ARFGEF3: variants seen among roughly 807,000 people sequenced by gnomAD.
ARFGEF3 encodes the protein ARFGEF family member 3.
Under a neutral mutation model 221.7 loss-of-function variants are expected in ARFGEF3, and 96 were observed. That is an observed-to-expected ratio of 0.43 (90% CI 0.37 to 0.51). The LOEUF (loss-of-function observed/expected upper bound fraction) is 0.51. Ranked by LOEUF, ARFGEF3 falls within the 20% of genes least tolerant of loss-of-function variation. The pLI is 0.00. For missense variants in ARFGEF3, 2,410 were observed against 2,789.9 expected (o/e 0.86, Z 3.07); for synonymous variants, 1,145 against 1,126.8 (o/e 1.02, Z -0.32).
At chr6:138,166,478 T>A (rs1776724815) in intron 1 of ARFGEF3, among the ~76,000 whole-genome samples, 1 of 152,226 alleles carries the variant, frequency 6.6e-6, no homozygotes, top group Non-Finnish European at 1.5e-5. Flanking sequence ...TCTCTGAAAA[T>A]CAGTGTTAAT....
intron 2 of ARFGEF3, among the ~76,000 whole-genome samples, chr6:138,191,994 T>A (rs1486308021): frequency 6.6e-6 from 1 of 152,172 alleles, no homozygotes; most frequent in East Asian, 1.9e-4. Context: ...TTGTTGAGCG[T>A]GTACAATGTG....
intron 11 of ARFGEF3, among the ~76,000 whole-genome samples, chr6:138,262,380 C>T (rs1381984715): frequency 1.3e-5 from 2 of 152,034 alleles, no homozygotes; most frequent in Admixed American, 6.6e-5. Context: ...TTAGTAGAGA[C>T]GTGGTTTCAC....
At chr6:138,176,803 T>C (rs1776957523) in intron 2 of ARFGEF3, among the ~76,000 whole-genome samples, 1 of 152,192 alleles carries the variant, frequency 6.6e-6, no homozygotes, top group Admixed American at 6.5e-5. Context: ...AGTCTAGGGA[T>C]GATAAATTCT....
chr6:138,239,317 T>C (rs1778349782), intron 6 of ARFGEF3, among the ~76,000 whole-genome samples: 1 of 152,138 alleles, frequency 6.6e-6, no homozygotes, highest in Non-Finnish European at 1.5e-5. Context: ...CTGCAAGGAG[T>C]GTTCTGAAAT....
rs539079111 is a variant in ARFGEF3 at position 138,192,650 on chromosome 6, G to A, written c.138-14392G>A. Among the ~76,000 whole-genome samples the A allele has an allele frequency of 1.2e-4, 18 of 152,332 alleles. No individual in the cohort carries two copies. In the South Asian group the frequency reaches 3.1e-3, roughly 26 times the overall value. The stretch of plus-strand genomic sequence containing the variant: ...GGTTGGGATTGGTCTGCAGGCTGAG[G>A]TGTCCATGTTGCTGAGACCCCTTGC... On this transcript the variant is annotated intron_variant, in intron 2 of 33. Coordinates refer to ENST00000251691, the MANE Select transcript of ARFGEF3 (RefSeq NM_020340.5).
At chr6:138,321,996 T>G (rs73568907) in intron 29 of ARFGEF3, among the ~76,000 whole-genome samples, 7,037 of 152,234 alleles carry the variant, frequency 0.046, 460 homozygotes, top group African/African-American at 0.15. Flanking sequence ...GAGAGCTTGC[T>G]CAGGGCCACA....
rs747099029 is a variant in ARFGEF3, at chr6:138,194,989, A to ATTTTT, written c.138-12026_138-12022dup. Among the ~76,000 whole-genome samples the ATTTTT allele has an allele frequency of 4.5e-3, 376 of 84,132 alleles. 21 individuals are homozygous for ATTTTT. The highest frequency in any genetic ancestry group is 0.016 in the African/African-American group (279 of 17,408). 55.2% of individuals were successfully genotyped at this position (84,132 alleles called of 152,430 possible). ...TCAAACTAACTTCACCTTTTCCCTAATTTTTTTTTTTTTTTTTTTTTTTTT... is the reference window on the plus strand; with the variant it reads ...TCAAACTAACTTCACCTTTTCCCTAATTTTTTTTTTTTTTTTTTTTTTTTTTTTTT... On this transcript the variant is annotated intron_variant, in intron 2 of 33. Coordinates refer to ENST00000251691, the MANE Select transcript of ARFGEF3 (RefSeq NM_020340.5).
chr6:138,292,950 A>G (rs1297771374), intron 19 of ARFGEF3, among the ~76,000 whole-genome samples: 1 of 152,236 alleles, frequency 6.6e-6, no homozygotes, highest in Non-Finnish European at 1.5e-5. Flanking sequence ...CTTACTAGGA[A>G]GGAGGGAGGA....
chr6:138,271,058 G>A (rs937341909), intron 12 of ARFGEF3, among the ~76,000 whole-genome samples: 2 of 152,174 alleles, frequency 1.3e-5, no homozygotes, highest in African/African-American at 4.8e-5. Context: ...CAGATGATAG[G>A]CGCCTCAAAG....
chr6:138,241,041 ATGC>A (rs1045517245), intron 6 of ARFGEF3, among the ~76,000 whole-genome samples: 1 of 152,214 alleles, frequency 6.6e-6, no homozygotes, highest in African/African-American at 2.4e-5. Flanking sequence ...TCCGAATGAG[ATGC>A]TGCTACTAGC....
intron 14 of ARFGEF3, among the ~76,000 whole-genome samples, chr6:138,285,624 G>T (rs1291235681): frequency 6.6e-6 from 1 of 152,040 alleles, no homozygotes; most frequent in Non-Finnish European, 1.5e-5. Flanking sequence ...ATAATCCATG[G>T]TTCTGAATAA....
chr6:138,210,796 G>A (rs1488332747), intron 4 of ARFGEF3, among the ~76,000 whole-genome samples: 10 of 152,200 alleles, frequency 6.6e-5, no homozygotes, highest in Admixed American at 5.2e-4. Flanking sequence ...TTCAGGAATA[G>A]TTGGTGTCAT....
chr6:138,335,973 T>G (rs551027452), intron 33 of ARFGEF3, among the ~76,000 whole-genome samples: 1 of 152,158 alleles, frequency 6.6e-6, no homozygotes, highest in African/African-American at 2.4e-5. Context: ...ATTAACGGCC[T>G]GTGGAGATCT....
intron 4 of ARFGEF3, among the ~76,000 whole-genome samples, chr6:138,222,367 G>A (rs1040252155): frequency 2.0e-5 from 3 of 152,318 alleles, no homozygotes; most frequent in Admixed American, 1.3e-4. Flanking sequence ...CCGCAGGGTT[G>A]GACAAGCTTG....
At chr6:138,219,143 G>A (rs1258538124) in intron 4 of ARFGEF3, among the ~76,000 whole-genome samples, 2 of 152,210 alleles carry the variant, frequency 1.3e-5, no homozygotes, top group Non-Finnish European at 2.9e-5. Context: ...CATTCAGGAG[G>A]AAGAAGCATG....
intron 32 of ARFGEF3, among the ~76,000 whole-genome samples, chr6:138,333,052 T>C (rs1780255918): frequency 6.6e-6 from 1 of 152,250 alleles, no homozygotes; most frequent in South Asian, 2.1e-4. Flanking sequence ...GTTGTCATAA[T>C]TTTATAATTA....
At chr6:138,259,391 C>T (rs180989142) in intron 10 of ARFGEF3, among the ~76,000 whole-genome samples, 19 of 152,286 alleles carry the variant, frequency 1.2e-4, no homozygotes, top group Admixed American at 1.2e-3. Context: ...TCTGATTTCC[C>T]CTTAAAATGA....
chr6:138,207,521 T>A (rs1777646313), intron 3 of ARFGEF3, among the ~76,000 whole-genome samples: 2 of 152,244 alleles, frequency 1.3e-5, no homozygotes, highest in Non-Finnish European at 2.9e-5. Context: ...GGAAAGATTT[T>A]GTTTTGTTTT....
intron 24 of ARFGEF3, among the ~76,000 whole-genome samples, chr6:138,309,246 AC>A (rs1234511806): frequency 3.3e-5 from 5 of 152,202 alleles, no homozygotes; most frequent in African/African-American, 1.2e-4. Flanking sequence ...TTTTGGTTTA[AC>A]TAAGTGTCCT....
Sources: allele counts gnomAD v4.1 joint callset (sites outside exome capture counted in the v4.1 genomes callset), GRCh38; gene constraint gnomAD v4.1.1; transcripts MANE v1.5; gene names NCBI Gene and HGNC (gene_info 2026-07-23, HGNC 2026-07-21).